Variants in KCNH8 observed in about 807,000 individuals in gnomAD.
The protein encoded by KCNH8 is potassium voltage-gated channel subfamily H member 8.
A neutral mutation model predicts 103.6 loss-of-function variants in KCNH8; 70 were observed. The observed-to-expected ratio is 0.68, with a 90% CI of 0.56 to 0.82. The LOEUF (loss-of-function observed/expected upper bound fraction) is 0.82. KCNH8 is among the 40% of genes least tolerant of loss of function. The probability of loss-of-function intolerance (pLI) is 0.00; values close to 1 mark genes in which losing one functional copy is unlikely to be tolerated. For synonymous variants in KCNH8, 498 were observed against 489.4 expected (o/e 1.02, Z -0.23); for missense variants, 1,217 against 1,329.9 (o/e 0.92, Z 1.32).
At chr3:19,373,438 T>G (rs1465428411) in intron 5 of KCNH8, among the ~76,000 whole-genome samples, 3 of 152,176 alleles carry the variant, frequency 2.0e-5, no homozygotes, top group Non-Finnish European at 4.4e-5. Context: ...GTTTGTATTT[T>G]TGTGGGATCG....
At chr3:19,355,276 C>T (rs1221945661) in intron 5 of KCNH8, among the ~76,000 whole-genome samples, 1 of 152,204 alleles carries the variant, frequency 6.6e-6, no homozygotes, top group Non-Finnish European at 1.5e-5. Flanking sequence ...CACTTTTACA[C>T]TGTTGGTGGG....
At chr3:19,278,045 T>C (rs2064699896) in intron 2 of KCNH8, among the ~76,000 whole-genome samples, 1 of 151,994 alleles carries the variant, frequency 6.6e-6, no homozygotes, top group Non-Finnish European at 1.5e-5. Flanking sequence ...ACTGAAAGAG[T>C]TGATCATTGT....
intron 2 of KCNH8, among the ~76,000 whole-genome samples, chr3:19,254,252 T>C (rs11927892): frequency 0.039 from 5,895 of 152,166 alleles, 407 homozygotes; most frequent in African/African-American, 0.13. Context: ...ATTTCTCAAA[T>C]TTTATGCCTT....
At chr3:19,190,081 G>A (rs1026377351) in intron 1 of KCNH8, among the ~76,000 whole-genome samples, 2 of 151,854 alleles carry the variant, frequency 1.3e-5, no homozygotes, top group Non-Finnish European at 2.9e-5. Flanking sequence ...TGCTGAGGGG[G>A]GAATACTTAA....
At chr3:19,201,254 A>AAAAAAAAAAAAAAAAG (rs1559419872) in intron 1 of KCNH8, among the ~76,000 whole-genome samples, 34 of 143,380 alleles carry the variant, frequency 2.4e-4, no homozygotes, top group Non-Finnish European at 3.9e-4. Flanking sequence ...AAAAAAAAAA[A>AAAAAAAAAAAAAAAAG]AAAAAAAAGA....
chr3:19,243,603 A>G (rs2125246493), intron 1 of KCNH8, among the ~76,000 whole-genome samples: 1 of 152,324 alleles, frequency 6.6e-6, no homozygotes, highest in African/African-American at 2.4e-5. Flanking sequence ...TTTGCAGAAT[A>G]TAAACAAAAC....
rs1047872283 is a variant in KCNH8, at chr3:19,386,497, A to G, written c.812-3984A>G. ...GTGCCATAAAGGATTGCTTATGCAT[A>G]TATAAGCACATGGAGACATTAAGCT... On this transcript the variant is annotated intron_variant, in intron 5 of 15. Transcript: ENST00000328405. Among the ~76,000 whole-genome samples, 6 of 152,232 alleles carry G rather than the reference A, an allele frequency of 3.9e-5. No homozygotes were observed. In the East Asian group the frequency reaches 1.2e-3, roughly 29 times the overall value.
intron 15 of KCNH8, among the ~76,000 whole-genome samples, chr3:19,521,589 G>A (rs923659695): frequency 6.6e-6 from 1 of 151,854 alleles, no homozygotes; most frequent in African/African-American, 2.4e-5. Context: ...GAGGATCAAT[G>A]TTTTTAGAAT....
intron 7 of KCNH8, among the ~76,000 whole-genome samples, chr3:19,428,978 GTC>G: frequency 6.6e-6 from 1 of 151,800 alleles, no homozygotes; most frequent in East Asian, 1.9e-4. Context: ...CCCCCTTTAG[GTC>G]TCTCTCAGAC....
At chr3:19,163,616 A>G (rs2063255160) in intron 1 of KCNH8, among the ~76,000 whole-genome samples, 1 of 152,176 alleles carries the variant, frequency 6.6e-6, no homozygotes, top group Non-Finnish European at 1.5e-5. Context: ...TCAAATTGAC[A>G]AAAATTATTC....
chr3:19,534,366 AG>A lies in KCNH8; in HGVS notation c.*270del, dbSNP rs1025898971. On this transcript the variant is annotated 3_prime_UTR_variant, in exon 16 of 16. Coordinates refer to ENST00000328405, the MANE Select transcript of KCNH8 (RefSeq NM_144633.3). ...CTTTGGTAACAATCCAAAGACCCTG[AG>A]GGTCTGAGCAGCTAGAAGTCCTAGA... 6.3e-6 allele frequency: 3 copies of A among 472,610 alleles called. No homozygotes were observed. The highest frequency in any genetic ancestry group is 2.0e-5 in the African/African-American group (1 of 51,194). 29.3% of individuals were successfully genotyped at this position (472,610 alleles called of 1,614,324 possible). A position where few individuals can be genotyped will look rare whatever the true frequency, so the allele number is the denominator to read the frequency against.
chr3:19,533,571 G>T lies in KCNH8; in HGVS notation c.2796G>T (p.Gln932His). The T allele has an allele frequency of 6.2e-7, 1 of 1,614,180 alleles. No individual in the cohort carries two copies. ...LQTRTSWSAH[Q>H]PCLHLQTGGA... The stretch of plus-strand genomic sequence containing the variant: ...CCAGAACGAGCTGGAGTGCACACCA[G>T]CCTTGCCTACACTTGCAAACAGGCG... The change falls in exon 16 of 16, where the codon CAG (glutamine) becomes CAT (histidine). Residue 932 changes from glutamine (Q) to histidine (H), a missense_variant. Coordinates refer to ENST00000328405, the MANE Select transcript of KCNH8 (RefSeq NM_144633.3).
intron 7 of KCNH8, among the ~76,000 whole-genome samples, chr3:19,395,771 G>A (rs966216343): frequency 6.6e-6 from 1 of 152,042 alleles, no homozygotes. Flanking sequence ...GAGAGAGAGT[G>A]TGTGAGAGCG....
intron 3 of KCNH8, among the ~76,000 whole-genome samples, chr3:19,302,208 G>T (rs2065072157): frequency 6.6e-6 from 1 of 152,042 alleles, no homozygotes; most frequent in Non-Finnish European, 1.5e-5. Flanking sequence ...CATTTTTCAG[G>T]AGTCACCTCA....
chr3:19,422,999 C>T (rs920017198), intron 7 of KCNH8, among the ~76,000 whole-genome samples: 4 of 151,976 alleles, frequency 2.6e-5, no homozygotes, highest in Admixed American at 6.6e-5. Flanking sequence ...CTGAAAGATC[C>T]TTAACAATAT....
At chr3:19,458,880 A>C (rs1055211013) in intron 11 of KCNH8, among the ~76,000 whole-genome samples, 5 of 151,990 alleles carry the variant, frequency 3.3e-5, no homozygotes, top group African/African-American at 1.2e-4. Context: ...ATATTTCACT[A>C]AGCATAATGA....
At chr3:19,354,413 G>A (rs746754479) in intron 5 of KCNH8, among the ~76,000 whole-genome samples, 49 of 152,222 alleles carry the variant, frequency 3.2e-4, no homozygotes, top group Middle Eastern at 3.4e-3. Flanking sequence ...AAAAGAGCCC[G>A]CATTGCCAAG....
At chr3:19,288,498 G>A (rs1343750136) in intron 3 of KCNH8, among the ~76,000 whole-genome samples, 1 of 151,042 alleles carries the variant, frequency 6.6e-6, no homozygotes, top group Non-Finnish European at 1.5e-5. Flanking sequence ...TTTTGTCCTT[G>A]TGATAGTTGG....
rs972944929 is a variant in KCNH8 at position 19,212,106 on chromosome 3, A to G, written c.77-41548A>G. 2.9e-4 allele frequency among the ~76,000 whole-genome samples: 44 copies of G among 152,188 alleles called. 1 individual carries two copies. The highest frequency in any genetic ancestry group is 1.1e-3 in the African/African-American group (44 of 41,454). ...ATGGTGTTCCTTCTCTTGGGATTAC[A>G]TTATCACCTCTTTTATCCAGATAGT... On this transcript the variant is annotated intron_variant, in intron 1 of 15. Transcript: ENST00000328405.
Sources: gnomAD v4.1 joint callset for allele counts (sites outside exome capture counted in the v4.1 genomes callset) on GRCh38, gnomAD v4.1.1 for gene constraint, MANE v1.5 for transcripts, NCBI Gene and HGNC (gene_info 2026-07-23, HGNC 2026-07-21) for gene names.